Variants in SEMA6D observed in about 807,000 individuals in gnomAD.
The protein encoded by SEMA6D is semaphorin 6D, also known as semaphorin-6D.
Under a neutral mutation model 106.6 loss-of-function variants are expected in SEMA6D, and 35 were observed. That is an observed-to-expected ratio of 0.33 (90% CI 0.25 to 0.44). SEMA6D has a LOEUF of 0.44. Ranked by LOEUF, SEMA6D falls within the 20% of genes least tolerant of loss-of-function variation. SEMA6D has a pLI of 1.00. For synonymous variants in SEMA6D, 499 were observed against 487.7 expected (o/e 1.02, Z -0.31); for missense variants, 1,185 against 1,345.9 (o/e 0.88, Z 1.87).
intron 3 of SEMA6D, among the ~76,000 whole-genome samples, chr15:47,582,215 G>C (rs767958866): frequency 6.6e-6 from 1 of 152,182 alleles, no homozygotes; most frequent in Non-Finnish European, 1.5e-5. Context: ...TGCTTTTGAG[G>C]AGTGCAATGA....
chr15:47,632,728 C>G (rs1263877067), intron 4 of SEMA6D, among the ~76,000 whole-genome samples: 3 of 151,808 alleles, frequency 2.0e-5, no homozygotes, highest in Non-Finnish European at 4.4e-5. Context: ...TATCCACTGC[C>G]AGTCTTTATC....
chr15:47,324,541 G>A (rs2037048877), intron 1 of SEMA6D, among the ~76,000 whole-genome samples: 2 of 151,834 alleles, frequency 1.3e-5, no homozygotes, highest in South Asian at 2.1e-4. Flanking sequence ...TTCTAAGATC[G>A]GTAGGAGCAA....
chr15:47,673,533 G>T (rs1454040537), intron 4 of SEMA6D, among the ~76,000 whole-genome samples: 1 of 152,204 alleles, frequency 6.6e-6, no homozygotes, highest in African/African-American at 2.4e-5. Context: ...AAAACATTCA[G>T]TGGAAGATGT....
chr15:47,685,866 A>G (rs991290660), intron 4 of SEMA6D, among the ~76,000 whole-genome samples: 2 of 152,194 alleles, frequency 1.3e-5, no homozygotes, highest in Admixed American at 6.5e-5. Context: ...CTCTAGACTC[A>G]ATACCCCTGG....
intron 1 of SEMA6D, among the ~76,000 whole-genome samples, chr15:47,408,577 C>T (rs2040675642): frequency 6.6e-6 from 1 of 152,018 alleles, no homozygotes. Context: ...AATGAGGTTG[C>T]TATGTATATT....
At chr15:47,193,966 A>C (rs1894150926) in intron 1 of SEMA6D, among the ~76,000 whole-genome samples, 1 of 152,042 alleles carries the variant, frequency 6.6e-6, no homozygotes, top group South Asian at 2.1e-4. Context: ...CTGTGAAACA[A>C]GGATAATGTC....
intron 3 of SEMA6D, among the ~76,000 whole-genome samples, chr15:47,530,689 A>G (rs2044931737): frequency 6.6e-6 from 1 of 152,138 alleles, no homozygotes; most frequent in African/African-American, 2.4e-5. Context: ...CCAAATACAA[A>G]TCCTAGCTTA....
intron 1 of SEMA6D, among the ~76,000 whole-genome samples, chr15:47,756,023 A>C (rs2147505926): frequency 6.6e-6 from 1 of 152,162 alleles, no homozygotes; most frequent in African/African-American, 2.4e-5. Context: ...ACTCCCATTA[A>C]GAGCTTTCCT....
At chr15:47,767,875 G>A (rs550370022) in intron 17 of SEMA6D, among the ~76,000 whole-genome samples, 6 of 152,260 alleles carry the variant, frequency 3.9e-5, no homozygotes, top group African/African-American at 1.4e-4. Context: ...AGAAAAAGAT[G>A]GTAGATCTTA....
intron 1 of SEMA6D, among the ~76,000 whole-genome samples, chr15:47,378,317 G>T (rs2039519373): frequency 1.3e-5 from 2 of 152,124 alleles, no homozygotes; most frequent in Admixed American, 1.3e-4. Context: ...CTAACATGGA[G>T]AAACCCCATC....
At chr15:47,723,509 A>T (rs530606003) in intron 1 of SEMA6D, among the ~76,000 whole-genome samples, 41 of 152,300 alleles carry the variant, frequency 2.7e-4, no homozygotes, top group African/African-American at 9.6e-4. Context: ...CAGCAAAGAC[A>T]GTGAGAGCTG....
chr15:47,704,607 A>G (rs1301253533), intron 4 of SEMA6D, among the ~76,000 whole-genome samples: 1 of 152,068 alleles, frequency 6.6e-6, no homozygotes, highest in Non-Finnish European at 1.5e-5. Flanking sequence ...GCTACCCAGG[A>G]GGCTCATGTG....
intron 3 of SEMA6D, among the ~76,000 whole-genome samples, chr15:47,498,090 C>T (rs1361031624): frequency 6.6e-6 from 1 of 152,130 alleles, no homozygotes; most frequent in Non-Finnish European, 1.5e-5. Flanking sequence ...AAACTAAGTT[C>T]ACACTCTAAA....
At chr15:47,652,325 G>A (rs1236707345) in intron 4 of SEMA6D, among the ~76,000 whole-genome samples, 1 of 152,166 alleles carries the variant, frequency 6.6e-6, no homozygotes, top group Non-Finnish European at 1.5e-5. Flanking sequence ...TTTATAGGGA[G>A]CTAGTACCTT....
At chr15:47,580,731 C>G (rs1316250392) in intron 3 of SEMA6D, among the ~76,000 whole-genome samples, 9 of 152,186 alleles carry the variant, frequency 5.9e-5, no homozygotes, top group Non-Finnish European at 8.8e-5. Flanking sequence ...TTTCCCTGAT[C>G]TTATGGAGAT....
intron 3 of SEMA6D, among the ~76,000 whole-genome samples, chr15:47,554,965 T>C (rs547412510): frequency 1.4e-4 from 21 of 152,224 alleles, no homozygotes; most frequent in Non-Finnish European, 2.9e-4. Context: ...ATTTTCGCTC[T>C]GATTGAAAAT....
chr15:47,264,098 A>G (rs1461681184), intron 1 of SEMA6D, among the ~76,000 whole-genome samples: 1 of 151,958 alleles, frequency 6.6e-6, no homozygotes, highest in Non-Finnish European at 1.5e-5. Flanking sequence ...CACAGAAACA[A>G]AAAAGCAAAT....
intron 3 of SEMA6D, among the ~76,000 whole-genome samples, chr15:47,526,378 A>G (rs935927432): frequency 2.0e-5 from 3 of 152,232 alleles, no homozygotes; most frequent in African/African-American, 7.2e-5. Flanking sequence ...ACCGAACAGC[A>G]TCTCTAAAAA....
chr15:47,437,785 A>G (rs2041766818), intron 2 of SEMA6D, among the ~76,000 whole-genome samples: 1 of 152,132 alleles, frequency 6.6e-6, no homozygotes, highest in South Asian at 2.1e-4. Flanking sequence ...TCCTAGAGGT[A>G]ACACTCAATA....
Sources: allele counts gnomAD v4.1 joint callset (sites outside exome capture counted in the v4.1 genomes callset), GRCh38; gene constraint gnomAD v4.1.1; transcripts MANE v1.5; gene names NCBI Gene and HGNC (gene_info 2026-07-23, HGNC 2026-07-21).